The following FGF12 variants were observed in gnomAD, a reference collection of about 807,000 sequenced individuals.
FGF12 encodes the protein fibroblast growth factor 12B.
A neutral mutation model predicts 23.6 loss-of-function variants in FGF12; 14 were observed. The ratio of observed to expected loss-of-function variants is 0.59; its 90% confidence interval spans 0.39 to 0.93. FGF12 has a LOEUF of 0.93. FGF12 is among the 40% of genes least tolerant of loss of function. The probability of loss-of-function intolerance (pLI) is 0.00; values close to 1 mark genes in which losing one functional copy is unlikely to be tolerated. For synonymous variants in FGF12, 62 were observed against 77.3 expected (o/e 0.80, Z 1.04); for missense variants, 175 against 217.8 (o/e 0.80, Z 1.24).
In FGF12 at chr3:192,194,591, A is replaced by G. The variant is rs79007488; in HGVS notation, c.229-23935T>C. Among the ~76,000 whole-genome samples the G allele has an allele frequency of 3.3e-3, 507 of 152,298 alleles. 8 individuals are homozygous for G. The highest frequency in any genetic ancestry group is 0.031 in the East Asian group (161 of 5,184). ...TTTGACAACCTAAAAATAAAATAGT[A>G]TATACCTGGTGGAATTTTTCTTTCT... On this transcript the variant is annotated intron_variant, in intron 4 of 5. Transcript: ENST00000445105.
At chr3:192,605,185 T>C (rs532893730) in intron 2 of FGF12, among the ~76,000 whole-genome samples, 1 of 152,238 alleles carries the variant, frequency 6.6e-6, no homozygotes, top group South Asian at 2.1e-4. Flanking sequence ...GAGACCATCC[T>C]GGCCAACATG....
chr3:192,402,531 T>G (rs148645684), intron 2 of FGF12, among the ~76,000 whole-genome samples: 2,357 of 152,302 alleles, frequency 0.015, 65 homozygotes, highest in African/African-American at 0.054. Context: ...GTTTCCCAGC[T>G]TCCTAACCCT....
At chr3:192,567,813 TTC>T (rs71635390) in intron 2 of FGF12, among the ~76,000 whole-genome samples, 2,180 of 146,040 alleles carry the variant, frequency 0.015, 58 homozygotes, top group African/African-American at 0.049. Context: ...CTTTCTTTCT[TTC>T]TCTCTCTCTC....
At chr3:192,191,384 T>C (rs1577220410) in intron 4 of FGF12, among the ~76,000 whole-genome samples, 2 of 152,344 alleles carry the variant, frequency 1.3e-5, no homozygotes, top group South Asian at 2.1e-4. Flanking sequence ...CTTTGGTTGA[T>C]AATGATATGT....
intron 4 of FGF12, among the ~76,000 whole-genome samples, chr3:192,288,504 C>G (rs565972214): frequency 1.8e-4 from 27 of 151,956 alleles, no homozygotes; most frequent in African/African-American, 6.5e-4. Context: ...TAGCTGATAT[C>G]CAGATGAAAT....
chr3:192,584,488 T>C (rs544109181), intron 2 of FGF12, among the ~76,000 whole-genome samples: 3 of 152,168 alleles, frequency 2.0e-5, no homozygotes, highest in African/African-American at 4.8e-5. Flanking sequence ...CAGACTGCGA[T>C]GGGTTCAGAG....
chr3:192,188,044 G>A (rs1560184536), intron 4 of FGF12, among the ~76,000 whole-genome samples: 1 of 152,116 alleles, frequency 6.6e-6, no homozygotes, highest in Non-Finnish European at 1.5e-5. Flanking sequence ...GAAACAGAGA[G>A]CCAGGAAAGT....
intron 4 of FGF12, among the ~76,000 whole-genome samples, chr3:192,233,796 A>G (rs1226407097): frequency 1.3e-5 from 2 of 152,146 alleles, no homozygotes; most frequent in African/African-American, 2.4e-5. Flanking sequence ...TTTACTGAAT[A>G]GGGAGTCCTT....
chr3:192,697,772 G>T (rs1278327702), intron 2 of FGF12, among the ~76,000 whole-genome samples: 1 of 152,110 alleles, frequency 6.6e-6, no homozygotes, highest in Admixed American at 6.5e-5. Context: ...TTGCAAATAT[G>T]CCAAGCACAC....
chr3:192,368,530 AGG>A (rs1329580380), intron 2 of FGF12, among the ~76,000 whole-genome samples: 2 of 152,210 alleles, frequency 1.3e-5, no homozygotes, highest in Non-Finnish European at 2.9e-5. Context: ...TTCCAGGAGC[AGG>A]GAGCAGCAAG....
chr3:192,310,225 C>T (rs541061111), intron 4 of FGF12, among the ~76,000 whole-genome samples: 2 of 152,108 alleles, frequency 1.3e-5, no homozygotes, highest in African/African-American at 2.4e-5. Context: ...TTATGTCTAA[C>T]GATGAAGAAG....
At chr3:192,218,617 T>C (rs1718319692) in intron 4 of FGF12, among the ~76,000 whole-genome samples, 2 of 152,178 alleles carry the variant, frequency 1.3e-5, no homozygotes, top group Admixed American at 1.3e-4. Context: ...GAGAAGCCTA[T>C]ACAGCCTGCA....
intron 4 of FGF12, among the ~76,000 whole-genome samples, chr3:192,218,512 C>T (rs941479098): frequency 2.6e-5 from 4 of 152,098 alleles, no homozygotes; most frequent in Non-Finnish European, 5.9e-5. Flanking sequence ...TTGTGTGGCA[C>T]CTCCCCGTCT....
intron 2 of FGF12, among the ~76,000 whole-genome samples, chr3:192,494,688 T>C (rs925269687): frequency 3.9e-5 from 6 of 152,180 alleles, no homozygotes; most frequent in African/African-American, 1.4e-4. Flanking sequence ...TACAACCTAC[T>C]GTATCATGCA....
chr3:192,616,785 T>C (rs928404818), intron 2 of FGF12, among the ~76,000 whole-genome samples: 12 of 151,780 alleles, frequency 7.9e-5, no homozygotes, highest in Admixed American at 1.3e-4. Flanking sequence ...CTCTGCCTTC[T>C]GCTATCTCCT....
intron 4 of FGF12, among the ~76,000 whole-genome samples, chr3:192,319,594 C>CAAAT (rs556846919): frequency 1.2e-3 from 182 of 151,462 alleles, no homozygotes; most frequent in Admixed American, 2.2e-3. Flanking sequence ...AAGACTGTCT[C>CAAAT]AAATAAATAA....
chr3:192,433,066 C>T (rs531219075), intron 2 of FGF12, among the ~76,000 whole-genome samples: 2 of 152,194 alleles, frequency 1.3e-5, no homozygotes, highest in East Asian at 1.9e-4. Context: ...CCCACCCCCT[C>T]GCTCCAACGC....
At chr3:192,281,072 G>T (rs1714113709) in intron 4 of FGF12, among the ~76,000 whole-genome samples, 1 of 152,086 alleles carries the variant, frequency 6.6e-6, no homozygotes, top group Admixed American at 6.6e-5. Context: ...TTCAGTGTGT[G>T]GGGTATATTA....
At chr3:192,413,726 C>T (rs1268638365) in intron 2 of FGF12, among the ~76,000 whole-genome samples, 3 of 152,218 alleles carry the variant, frequency 2.0e-5, no homozygotes, top group Non-Finnish European at 4.4e-5. Context: ...GTGTCCTTGT[C>T]TTGAGAACAC....
Sources: gnomAD v4.1 joint callset for allele counts (sites outside exome capture counted in the v4.1 genomes callset) on GRCh38, gnomAD v4.1.1 for gene constraint, MANE v1.5 for transcripts, NCBI Gene and HGNC (gene_info 2026-07-23, HGNC 2026-07-21) for gene names.